The following ACOT7 variants were observed in gnomAD, a reference collection of about 807,000 sequenced individuals.
ACOT7 encodes acyl-CoA thioesterase 7.
In ACOT7, 12 loss-of-function variants were observed where a neutral mutation model predicts 40.2. That is an observed-to-expected ratio of 0.30 (90% CI 0.19 to 0.48). ACOT7 has a LOEUF of 0.48. ACOT7 is among the 20% of genes least tolerant of loss of function. The pLI is 0.99. For missense variants in ACOT7, 395 were observed against 530.8 expected, an observed-to-expected ratio of 0.74 and a Z score of 2.51; for synonymous variants, 228 against 219.5, an observed-to-expected ratio of 1.04 and a Z score of -0.34.
chr1:6,265,890 T>C (rs1236086544), intron 8 of ACOT7, among the ~76,000 whole-genome samples: 1 of 152,204 alleles, frequency 6.6e-6, no homozygotes, highest in Non-Finnish European at 1.5e-5. Flanking sequence ...AATGGTATAT[T>C]GGCAAGAGAG....
intron 4 of ACOT7, among the ~76,000 whole-genome samples, chr1:6,329,326 T>C (rs1193713354): frequency 1.3e-5 from 2 of 152,090 alleles, no homozygotes; most frequent in African/African-American, 4.8e-5. Flanking sequence ...GTGGGGAGTG[T>C]TTTAAGTTGC....
Position 6,274,973 on chromosome 1 carries a change from CCT to C in ACOT7, c.1014+6127_1014+6128del, listed in dbSNP as rs1198519794. 6.6e-6 allele frequency among the ~76,000 whole-genome samples: 1 copy of C among 152,234 alleles called. No homozygotes were observed. The highest frequency in any genetic ancestry group is 1.5e-5 in the Non-Finnish European group (1 of 68,038). ...CATCGATGACAGCAGTGAGCGGCCC[CCT>C]TTCCCAGTCAGTGAAGTCACAGATG... On this transcript the variant is annotated intron_variant, in intron 8 of 8. Transcript: ENST00000361521. This position sits in a 1 kb window ranked among gnomAD's most constrained non-coding sequence, Gnocchi z 5.9.
At chr1:6,336,884 CAG>C (rs2148441856) in intron 3 of ACOT7, among the ~76,000 whole-genome samples, 1 of 152,248 alleles carries the variant, frequency 6.6e-6, no homozygotes, top group African/African-American at 2.4e-5. Context: ...ATGAGCGAGA[CAG>C]AGGGGGAGAT....
At chr1:6,384,777 T>C (rs1194478840) in intron 1 of ACOT7, among the ~76,000 whole-genome samples, 1 of 151,584 alleles carries the variant, frequency 6.6e-6, no homozygotes, top group East Asian at 1.9e-4. Flanking sequence ...ACTACAAAGG[T>C]CCCAAGGGCT....
At chr1:6,273,134 C>T (rs1639083996) in intron 8 of ACOT7, among the ~76,000 whole-genome samples, 1 of 152,244 alleles carries the variant, frequency 6.6e-6, no homozygotes, top group Non-Finnish European at 1.5e-5. Context: ...GAAGAGCTAC[C>T]TACCAGTGCC....
intron 7 of ACOT7, among the ~76,000 whole-genome samples, chr1:6,287,890 A>T (rs1319199707): frequency 6.6e-6 from 1 of 152,186 alleles, no homozygotes; most frequent in Non-Finnish European, 1.5e-5. Context: ...TTTCTTACAT[A>T]ACACACCCCA....
intron 6 of ACOT7, among the ~76,000 whole-genome samples, chr1:6,304,703 G>A (rs575643932): frequency 0.02 from 2,573 of 130,772 alleles, 56 homozygotes; most frequent in African/African-American, 0.078. Flanking sequence ...GAGAGCACAG[G>A]GTTGGGGGTA....
At chr1:6,312,761 C>T (rs1412219684) in intron 6 of ACOT7, among the ~76,000 whole-genome samples, 1 of 152,258 alleles carries the variant, frequency 6.6e-6, no homozygotes, top group Non-Finnish European at 1.5e-5. Context: ...AGCCACCGCA[C>T]CTGGCCGATG....
chr1:6,279,004 G>A (rs1639278963), intron 8 of ACOT7, among the ~76,000 whole-genome samples: 1 of 152,358 alleles, frequency 6.6e-6, no homozygotes, highest in East Asian at 1.9e-4. Context: ...GTCAGGTGGG[G>A]GATTCAGCAT....
intron 1 of ACOT7, among the ~76,000 whole-genome samples, chr1:6,367,041 A>G (rs1017658085): frequency 6.6e-6 from 1 of 152,010 alleles, no homozygotes; most frequent in Non-Finnish European, 1.5e-5. Context: ...TACTAAAAAT[A>G]TAAAAAAATT....
At chr1:6,264,934 T>G (rs1638775182) in intron 8 of ACOT7, among the ~76,000 whole-genome samples, 2 of 152,222 alleles carry the variant, frequency 1.3e-5, no homozygotes, top group Non-Finnish European at 2.9e-5. Context: ...TCAGCCAAGA[T>G]GCTTTGAGGG....
rs1641732900 is a variant in ACOT7 at position 6,355,988 on chromosome 1, C to T, written c.144-6122G>A. 2.6e-5 allele frequency among the ~76,000 whole-genome samples: 4 copies of T among 152,210 alleles called. No individual in the cohort carries two copies. The South Asian group carries it at 8.3e-4, about 32-fold the overall frequency. ...ACCTAAGCCACATGGAGCCTGAGTACTGGGTTGAATTGTGTCCCCCAAAAG... is the reference window on the plus strand; with the variant it reads ...ACCTAAGCCACATGGAGCCTGAGTATTGGGTTGAATTGTGTCCCCCAAAAG... On this transcript the variant is annotated intron_variant, in intron 1 of 8. Transcript: ENST00000361521. The surrounding 1 kb of genome is among the most constrained non-coding windows in gnomAD (Gnocchi z 5.0).
chr1:6,388,202 G>A (rs970638035), intron 1 of ACOT7, among the ~76,000 whole-genome samples: 8 of 151,640 alleles, frequency 5.3e-5, no homozygotes, highest in African/African-American at 1.2e-4. Flanking sequence ...TCCGCCTCCC[G>A]GGTTCATGCC....
chr1:6,385,768 T>C (rs1642428194), intron 1 of ACOT7: 19 of 1,466,938 alleles, frequency 1.3e-5, no homozygotes, highest in Middle Eastern at 2.3e-4. Flanking sequence ...GCCGGTGTGA[T>C]CCCTCCCTGA....
chr1:6,327,469 C>CT lies in ACOT7; in HGVS notation c.511-57dup, dbSNP rs916766935. The CT allele has an allele frequency of 5.2e-6, 8 of 1,549,840 alleles. No individual in the cohort carries two copies. In the African/African-American group the frequency reaches 1.1e-4, roughly 21 times the overall value. On this transcript the variant is annotated intron_variant, in intron 4 of 8. Coordinates refer to ENST00000361521, the MANE Select transcript of ACOT7 (RefSeq NM_007274.4). ...GGCAGGACACGGCCTCCTCCCCTCG[C>CT]TGGGCGGCCATGATCCCAGGCCCTT...
intron 1 of ACOT7, among the ~76,000 whole-genome samples, chr1:6,363,724 C>T (rs1641941258): frequency 6.6e-6 from 1 of 152,146 alleles, no homozygotes; most frequent in Non-Finnish European, 1.5e-5. Flanking sequence ...CTCTTTACCC[C>T]TCCCCTTTTG....
At chr1:6,302,968 C>T (rs1234347274) in intron 6 of ACOT7, among the ~76,000 whole-genome samples, 1 of 152,218 alleles carries the variant, frequency 6.6e-6, no homozygotes, top group East Asian at 1.9e-4. Flanking sequence ...AAACATAGTG[C>T]CTTCCTCACA....
At chr1:6,279,408 G>A (rs1639290327) in intron 8 of ACOT7, among the ~76,000 whole-genome samples, 1 of 152,334 alleles carries the variant, frequency 6.6e-6, no homozygotes, top group East Asian at 1.9e-4. Flanking sequence ...GATGGGGCAG[G>A]AGGGTGGCAG....
chr1:6,264,758 T>G, intron 8 of ACOT7, 63 bp from the exon 9 acceptor site: 2 of 1,547,146 alleles, frequency 1.3e-6, no homozygotes, highest in Admixed American at 3.5e-5. Flanking sequence ...CGTGGCCTTG[T>G]GACCTGGCCT....
Sources: allele counts gnomAD v4.1 joint callset (sites outside exome capture counted in the v4.1 genomes callset), GRCh38; gene constraint gnomAD v4.1.1; non-coding constraint Gnocchi (gnomAD v3.1); transcripts MANE v1.5; gene names NCBI Gene and HGNC (gene_info 2026-07-23, HGNC 2026-07-21).